Variants in OR56A3 observed in about 807,000 individuals in gnomAD.
OR56A3 encodes olfactory receptor 56A3.
Under a neutral mutation model 17.5 loss-of-function variants are expected in OR56A3, and 23 were observed. The observed-to-expected ratio is 1.32, with a 90% CI of 0.95 to 1.87. The LOEUF (loss-of-function observed/expected upper bound fraction) is 1.87. Ranked by LOEUF, OR56A3 falls within the 40% of genes most tolerant of loss-of-function variation. The pLI, the probability that OR56A3 is intolerant of heterozygous loss-of-function variation, is 0.00. For synonymous variants in OR56A3, 175 were observed against 150.6 expected (o/e 1.16, Z -1.19); for missense variants, 366 against 380.1 (o/e 0.96, Z 0.31).
At chr11:5,967,645 G>A in the OR56A3 span, 22 of 1,613,990 alleles carry the variant, frequency 1.4e-5, no homozygotes, top group Admixed American at 6.7e-5. Context: ...GGAATAAGGT[G>A]GTGCAGGATG....
At chr11:5,983,287 AC>A in the OR56A3 span, among the ~76,000 whole-genome samples, 1 of 152,044 alleles carries the variant, frequency 6.6e-6, no homozygotes, top group South Asian at 2.1e-4. Flanking sequence ...TGCTATATGT[AC>A]TTTTCAATCA....
In OR56A3 at chr11:5,947,796, GT is replaced by G; in HGVS notation, c.453del (p.Phe151LeufsTer3). On this transcript the variant is annotated frameshift_variant, in exon 3 of 3. Transcript: ENST00000641160. LOFTEE classifies it high-confidence loss of function. ...ATCACTTTGTAGTCAAGGCTGCCAT[GT>G]TTATTTTGACCAGAAATGTGCTTAT... ...TDHFVVKAAMFILTRNVLMTL... is the reference protein window; with the variant it reads ...TDHFVVKAAMXILTRNVLMTL... 1.2e-6 allele frequency: 2 copies of G among 1,614,184 alleles called. No individual in the cohort carries two copies. The highest frequency in any genetic ancestry group is 1.1e-5 in the South Asian group (1 of 91,080).
chr11:5,947,237 T>G (rs1847875218), intron 2 of OR56A3, 74 bp from the exon 3 acceptor site: 1 of 1,024,414 alleles, frequency 9.8e-7, no homozygotes, highest in East Asian at 2.6e-5. Context: ...CCACAAGTTG[T>G]ACCTATGACA....
chr11:6,016,445 C>A, the OR56A3 span, among the ~76,000 whole-genome samples: 77 of 152,018 alleles, frequency 5.1e-4, no homozygotes, highest in Non-Finnish European at 6.8e-4. Flanking sequence ...CTGCAAGCAC[C>A]CAAAATCAAA....
chr11:5,983,442 G>C, the OR56A3 span, among the ~76,000 whole-genome samples: 3 of 150,794 alleles, frequency 2.0e-5, no homozygotes, highest in African/African-American at 7.3e-5. Flanking sequence ...GTATTGGTAA[G>C]AGACTATGAC....
the OR56A3 span, among the ~76,000 whole-genome samples, chr11:5,991,069 G>A: frequency 4.4e-3 from 674 of 152,272 alleles, 9 homozygotes; most frequent in African/African-American, 0.016. Flanking sequence ...TATTCAGAAT[G>A]GCTGCACAGC....
At chr11:5,960,432 G>A in the OR56A3 span, among the ~76,000 whole-genome samples, 10 of 152,210 alleles carry the variant, frequency 6.6e-5, no homozygotes, top group South Asian at 2.1e-4. Flanking sequence ...ACTGGTTGTC[G>A]TATTTTTTGG....
At chr11:6,008,938 A>G in the OR56A3 span, among the ~76,000 whole-genome samples, 2 of 152,110 alleles carry the variant, frequency 1.3e-5, no homozygotes, top group Non-Finnish European at 1.5e-5. Context: ...CTGTTATTTC[A>G]TCTAATCCGA....
the OR56A3 span, chr11:5,987,049 T>G: frequency 1.1e-6 from 1 of 879,006 alleles, no homozygotes; most frequent in Non-Finnish European, 1.7e-6. Flanking sequence ...GGGAAGAAAA[T>G]CTCCTTTGGT....
chr11:6,002,986 A>T, the OR56A3 span: 3 of 1,614,102 alleles, frequency 1.9e-6, no homozygotes, highest in Non-Finnish European at 2.5e-6. Context: ...TTGCTGGGAG[A>T]TGCCATGTAA....
At chr11:5,946,408 G>T (rs1463085663) in intron 2 of OR56A3, among the ~76,000 whole-genome samples, 5 of 152,218 alleles carry the variant, frequency 3.3e-5, no homozygotes, top group African/African-American at 1.2e-4. Context: ...AGGGTTAAAT[G>T]ATAAGGGAAT....
chr11:6,013,593 G>A, the OR56A3 span, among the ~76,000 whole-genome samples: 9 of 152,146 alleles, frequency 5.9e-5, no homozygotes, highest in Admixed American at 1.3e-4. Context: ...CCACTCAGCT[G>A]TGCAGTCCAG....
chr11:5,999,710 A>C, the OR56A3 span: 3 of 152,250 alleles, frequency 2.0e-5, no homozygotes, highest in Non-Finnish European at 2.9e-5. Context: ...ATCACTTATA[A>C]AATGTTCTAC....
At chr11:5,968,212 T>C in the OR56A3 span, 5 of 1,614,174 alleles carry the variant, frequency 3.1e-6, no homozygotes, top group Non-Finnish European at 4.2e-6. Flanking sequence ...GGGAAGCTGA[T>C]TGATCTGAGG....
the OR56A3 span, chr11:6,002,457 T>A: frequency 6.2e-7 from 1 of 1,614,190 alleles, no homozygotes; most frequent in Non-Finnish European, 8.5e-7. Context: ...GCAGATGCAG[T>A]TCTTGATTAT....
the OR56A3 span, among the ~76,000 whole-genome samples, chr11:5,965,890 C>A: frequency 3.8e-4 from 58 of 151,800 alleles, no homozygotes; most frequent in African/African-American, 1.3e-3. Flanking sequence ...GATACTGGAA[C>A]ACAGACTTTA....
chr11:5,970,970 A>G, the OR56A3 span, among the ~76,000 whole-genome samples: 2 of 152,242 alleles, frequency 1.3e-5, no homozygotes, highest in Non-Finnish European at 2.9e-5. Context: ...AAAGGAAAAT[A>G]TTAACCAAAG....
chr11:6,003,876 C>G, the OR56A3 span, among the ~76,000 whole-genome samples: 11 of 152,266 alleles, frequency 7.2e-5, no homozygotes, highest in Admixed American at 2.0e-4. Context: ...GTAAAATTAC[C>G]TATTCTTCCT....
chr11:5,983,911 A>T, the OR56A3 span, among the ~76,000 whole-genome samples: 1 of 152,234 alleles, frequency 6.6e-6, no homozygotes, highest in Non-Finnish European at 1.5e-5. Context: ...CCTAACCTGC[A>T]TAAGAGCCTG....
Sources: allele counts gnomAD v4.1 joint callset (sites outside exome capture counted in the v4.1 genomes callset), GRCh38; gene constraint gnomAD v4.1.1; transcripts MANE v1.5; gene names NCBI Gene and HGNC (gene_info 2026-07-23, HGNC 2026-07-21).